XKR4: variants seen among roughly 807,000 people sequenced by gnomAD.
The protein encoded by XKR4 is XK-related protein 4.
A neutral mutation model predicts 53.9 loss-of-function variants in XKR4; 12 were observed. That is an observed-to-expected ratio of 0.22 (90% CI 0.14 to 0.36). The LOEUF (loss-of-function observed/expected upper bound fraction) is 0.36. Ranked by LOEUF, XKR4 falls within the 10% of genes least tolerant of loss-of-function variation. The pLI is 1.00. For synonymous variants in XKR4, 354 were observed against 362.4 expected, an observed-to-expected ratio of 0.98 and a Z score of 0.26; for missense variants, 799 against 859.5, an observed-to-expected ratio of 0.93 and a Z score of 0.88.
chr8:55,338,334 G>A (rs1284117571), intron 1 of XKR4, among the ~76,000 whole-genome samples: 1 of 152,174 alleles, frequency 6.6e-6, no homozygotes, highest in Non-Finnish European at 1.5e-5. Context: ...AGCCCAGCCT[G>A]TGACAAGAGC....
intron 2 of XKR4, among the ~76,000 whole-genome samples, chr8:55,447,219 T>C (rs1805360461): frequency 6.6e-6 from 1 of 152,100 alleles, no homozygotes; most frequent in Admixed American, 6.6e-5. Context: ...AATTAAAAGG[T>C]AGGTGAGCAC....
chr8:55,348,264 G>A lies in XKR4; in HGVS notation c.807-9414G>A, dbSNP rs553401711. Among the ~76,000 whole-genome samples the A allele has an allele frequency of 3.3e-5, 5 of 152,260 alleles. No individual in the cohort carries two copies. In the East Asian group the frequency reaches 9.7e-4, roughly 30 times the overall value. On this transcript the variant is annotated intron_variant, in intron 1 of 2. Transcript: ENST00000327381. ...AAGACCAGCAATCTAGAGGAATCCA[G>A]AACATCAAGAGCCACTGTTCATGGC...
intron 1 of XKR4, among the ~76,000 whole-genome samples, chr8:55,157,154 A>C (rs538549862): frequency 6.6e-6 from 1 of 152,298 alleles, no homozygotes; most frequent in African/African-American, 2.4e-5. Flanking sequence ...CAAATCACGA[A>C]CCTTTATGAT....
chr8:55,392,007 A>G (rs1228890397), intron 2 of XKR4, among the ~76,000 whole-genome samples: 1 of 152,196 alleles, frequency 6.6e-6, no homozygotes, highest in Non-Finnish European at 1.5e-5. Context: ...TAATGTTGTT[A>G]GGAACCAAGG....
intron 1 of XKR4, among the ~76,000 whole-genome samples, chr8:55,253,731 C>CTTT (rs67608017): frequency 1.9e-4 from 22 of 113,740 alleles, no homozygotes; most frequent in Middle Eastern, 5.1e-3. Context: ...ATTTTCTTTT[C>CTTT]TTTTTTTTTT....
At chr8:55,186,785 C>T (rs866037283) in intron 1 of XKR4, among the ~76,000 whole-genome samples, 1 of 151,822 alleles carries the variant, frequency 6.6e-6, no homozygotes, top group Non-Finnish European at 1.5e-5. Context: ...AATAATATAT[C>T]CTGTTTTTCT....
rs113110945 is a variant in XKR4 at position 55,253,999 on chromosome 8, C to T, written c.807-103679C>T. ...CCCCCCAAAGTGCTGGAATTATAGG[C>T]GCGAGCCACTGTGCCTGGCCTGTCG... is the stretch of plus-strand genomic sequence containing the variant. On this transcript the variant is annotated intron_variant, in intron 1 of 2. Transcript: ENST00000327381. Among the ~76,000 whole-genome samples the T allele has an allele frequency of 2.3e-3, 343 of 152,028 alleles. 1 individual carries two copies. The highest frequency in any genetic ancestry group is 7.7e-3 in the African/African-American group (320 of 41,494).
chr8:55,237,146 A>G (rs1373444682), intron 1 of XKR4, among the ~76,000 whole-genome samples: 1 of 152,204 alleles, frequency 6.6e-6, no homozygotes, highest in Non-Finnish European at 1.5e-5. Context: ...CTTTGTGATC[A>G]TATATCACTC....
intron 1 of XKR4, among the ~76,000 whole-genome samples, chr8:55,181,399 T>A (rs1336225374): frequency 6.6e-6 from 1 of 152,112 alleles, no homozygotes; most frequent in Non-Finnish European, 1.5e-5. Flanking sequence ...CATTTTACAC[T>A]CCTCCCTTCT....
intron 1 of XKR4, among the ~76,000 whole-genome samples, chr8:55,268,013 G>C (rs1029909903): frequency 6.6e-6 from 1 of 152,188 alleles, no homozygotes; most frequent in African/African-American, 2.4e-5. Flanking sequence ...ATATGGAAAT[G>C]AAAGATTAAG....
chr8:55,504,840 G>A (rs1331513651), intron 2 of XKR4, among the ~76,000 whole-genome samples: 2 of 151,858 alleles, frequency 1.3e-5, no homozygotes, highest in Admixed American at 6.6e-5. Context: ...AATTCTAATT[G>A]GCATACAACT....
At chr8:55,333,703 G>A (rs1803411895) in intron 1 of XKR4, among the ~76,000 whole-genome samples, 1 of 152,092 alleles carries the variant, frequency 6.6e-6, no homozygotes, top group South Asian at 2.1e-4. Context: ...AAGTCTGAGT[G>A]CTGAGTTAGG....
chr8:55,407,712 C>T (rs1375442591), intron 2 of XKR4, among the ~76,000 whole-genome samples: 1 of 152,234 alleles, frequency 6.6e-6, no homozygotes, highest in African/African-American at 2.4e-5. Context: ...TAGAGGTGCT[C>T]ACGGAAAAGA....
intron 1 of XKR4, among the ~76,000 whole-genome samples, chr8:55,152,775 T>C (rs1441191319): frequency 1.3e-5 from 2 of 152,232 alleles, no homozygotes; most frequent in African/African-American, 2.4e-5. Context: ...ATTCAGATAA[T>C]AGGAGATGAC....
In XKR4 at chr8:55,528,000, G is replaced by T. The variant is rs1382848435; in HGVS notation, c.*3773G>T. The stretch of plus-strand genomic sequence containing the variant: ...TATATATACGTACCTATATATGTAT[G>T]TACACACACACACACACACACTTTC... On this transcript the variant is annotated 3_prime_UTR_variant, in exon 3 of 3. Coordinates refer to ENST00000327381, the MANE Select transcript of XKR4 (RefSeq NM_052898.2). 1.3e-5 allele frequency: 2 copies of T among 150,968 alleles called. No individual in the cohort carries two copies. Among genetic ancestry groups the T allele is most frequent in the Non-Finnish European group, 2.9e-5 (2 of 67,898 alleles). 9.4% of individuals were successfully genotyped at this position (150,968 alleles called of 1,614,324 possible).
At chr8:55,116,043 C>A (rs1816301731) in intron 1 of XKR4, among the ~76,000 whole-genome samples, 1 of 152,040 alleles carries the variant, frequency 6.6e-6, no homozygotes, top group South Asian at 2.1e-4. Context: ...GAGCTCTGAC[C>A]AAGACATGAT....
At chr8:55,469,389 C>T (rs191915186) in intron 2 of XKR4, among the ~76,000 whole-genome samples, 3 of 152,198 alleles carry the variant, frequency 2.0e-5, no homozygotes, top group Admixed American at 2.0e-4. Flanking sequence ...GTCTTAGCCT[C>T]CCAAGATCCT....
chr8:55,289,081 G>T (rs1818946604), intron 1 of XKR4, among the ~76,000 whole-genome samples: 1 of 152,110 alleles, frequency 6.6e-6, no homozygotes, highest in African/African-American at 2.4e-5. Flanking sequence ...CACAAGGGTA[G>T]TTTCCAGTTT....
At chr8:55,158,777 A>T (rs897273384) in intron 1 of XKR4, among the ~76,000 whole-genome samples, 1 of 152,144 alleles carries the variant, frequency 6.6e-6, no homozygotes, top group Non-Finnish European at 1.5e-5. Flanking sequence ...TTTGTTGAAG[A>T]TCAGATGGTT....
Sources: allele counts gnomAD v4.1 joint callset (sites outside exome capture counted in the v4.1 genomes callset), GRCh38; gene constraint gnomAD v4.1.1; transcripts MANE v1.5; gene names NCBI Gene and HGNC (gene_info 2026-07-23, HGNC 2026-07-21).